Variants in IL17RC observed in about 807,000 individuals in gnomAD.
The protein encoded by IL17RC is interleukin-17 receptor C.
IL17RC carries 53 observed loss-of-function variants against 86.7 expected under a neutral mutation model. The observed-to-expected ratio is 0.61, with a 90% CI of 0.49 to 0.77. The LOEUF (loss-of-function observed/expected upper bound fraction) is 0.77, where lower values mean the gene tolerates loss of function less well. Ranked by LOEUF, IL17RC falls within the 30% of genes least tolerant of loss-of-function variation. The pLI, the probability that IL17RC is intolerant of heterozygous loss-of-function variation, is 0.00. For synonymous variants in IL17RC, 439 were observed against 413.1 expected (o/e 1.06, Z -0.76); for missense variants, 957 against 940.0 (o/e 1.02, Z -0.24).
intron 12 of IL17RC, 60 bp downstream of exon 12, chr3:9,928,690 AG>A: frequency 6.5e-7 from 1 of 1,539,396 alleles, no homozygotes; most frequent in Admixed American, 1.7e-5. Context: ...CCCCCAGCCA[AG>A]GGGGTCTTAG....
chr3:9,917,776 G>T, intron 2 of IL17RC, 42 bp downstream of exon 2: 2 of 1,612,644 alleles, frequency 1.2e-6, no homozygotes, highest in South Asian at 1.1e-5. Flanking sequence ...CAGGTTGGCC[G>T]AAGGGAGCAG....
In IL17RC at chr3:9,930,306, C is replaced by A. The variant is rs2084534993; in HGVS notation, c.1279-94C>A. The A allele has an allele frequency of 1.3e-6, 2 of 1,536,722 alleles. No individual in the cohort carries two copies. The highest frequency in any genetic ancestry group is 1.4e-5 in the African/African-American group (1 of 73,476). Reference sequence around the variant, plus strand: ...GCGGCATCACCAAAGTCTCCCAGTCCCCTCTACCTCATTCTACCCAGCTGT... The same window carrying A: ...GCGGCATCACCAAAGTCTCCCAGTCACCTCTACCTCATTCTACCCAGCTGT... On this transcript the variant is annotated intron_variant, in intron 14 of 18. Coordinates refer to ENST00000403601, the MANE Select transcript of IL17RC (RefSeq NM_153460.4). This position sits in a 1 kb window ranked among gnomAD's most constrained non-coding sequence, Gnocchi z 5.8.
At position 9,930,059 on chromosome 3, in the gene IL17RC, A is replaced by T; in HGVS notation, c.1188A>T (p.Leu396=). The stretch of plus-strand genomic sequence containing the variant: ...TGGGGCCTCTCAAAGACGATGTGCT[A>T]CTGTTGGAGACACGAGGCCCCCAGG... The part of the protein sequence containing the change: ...DSLGPLKDDV[L]LLETRGPQDN... The change falls in exon 14 of 19, where the codon CTA becomes CTT. Residue 396 remains leucine (L), a synonymous_variant. Transcript: ENST00000403601. This position sits in a 1 kb window ranked among gnomAD's most constrained non-coding sequence, Gnocchi z 5.8. 1 of 1,613,966 alleles carries T rather than the reference A, an allele frequency of 6.2e-7. No homozygotes were observed. Among genetic ancestry groups the T allele is most frequent in the South Asian group, 1.1e-5 (1 of 91,080 alleles).
rs1381308577 is a variant in IL17RC at position 9,930,477 on chromosome 3, G to A, written c.1338+18G>A. 1 of 1,613,136 alleles carries A rather than the reference G, an allele frequency of 6.2e-7. No homozygotes were observed. ...GTCTGCAGGTGAGCTGGTGGAAGAA[G>A]GGCCCCACCTCAATGCCTAGGGGCA... On this transcript the variant is annotated intron_variant, in intron 15 of 18. Coordinates refer to ENST00000403601, the MANE Select transcript of IL17RC (RefSeq NM_153460.4). This position sits in a 1 kb window ranked among gnomAD's most constrained non-coding sequence, Gnocchi z 5.8.
Position 9,930,198 on chromosome 3 carries a change from C to T in IL17RC, c.1278+49C>T, listed in dbSNP as rs1559317885. 1 of 1,605,658 alleles carries T rather than the reference C, an allele frequency of 6.2e-7. No homozygotes were observed. The highest frequency in any genetic ancestry group is 8.5e-7 in the Non-Finnish European group (1 of 1,174,130). On this transcript the variant is annotated intron_variant, in intron 14 of 18. Coordinates refer to ENST00000403601, the MANE Select transcript of IL17RC (RefSeq NM_153460.4). The surrounding 1 kb of genome is among the most constrained non-coding windows in gnomAD (Gnocchi z 5.8). ...CACAGATCTCTCCAAATGCATCTCA[C>T]ATCTGGCCTCAAATTTTCACTCCAT...
chr3:9,928,557 C>CT, intron 11 of IL17RC, 23 bp from the exon 12 acceptor site: 1 of 1,613,864 alleles, frequency 6.2e-7, no homozygotes, highest in Non-Finnish European at 8.5e-7. Context: ...TTTGTGATCC[C>CT]ACCCATTCCT....
chr3:9,932,683 T>A lies in IL17RC; in HGVS notation c.1463T>A (p.Leu488His). The change falls in exon 17 of 19, where the codon CTC (leucine) becomes CAC (histidine). Residue 488 changes from leucine (L) to histidine (H), a missense_variant. By Grantham distance (99) the Leu-to-His change is moderately conservative (BLOSUM62 -3). Coordinates refer to ENST00000403601, the MANE Select transcript of IL17RC (RefSeq NM_153460.4). Reference protein sequence around the residue: ...FAAALSLILLLKKDHAKGWLR... With the variant: ...FAAALSLILLHKKDHAKGWLR... Reference sequence around the variant, plus strand: ...GCTGCGCTTTCCCTCATCCTCCTTCTCAAAAAGGATCACGCGAAAGGTGAG... The same window carrying A: ...GCTGCGCTTTCCCTCATCCTCCTTCACAAAAAGGATCACGCGAAAGGTGAG... The A allele has an allele frequency of 6.2e-7, 1 of 1,614,056 alleles. No homozygotes were observed. Among genetic ancestry groups the A allele is most frequent in the Non-Finnish European group, 8.5e-7 (1 of 1,179,978 alleles).
At position 9,933,012 on chromosome 3, in the gene IL17RC, C is replaced by G; in HGVS notation, c.1582C>G (p.Arg528Gly). The G allele has an allele frequency of 6.4e-7, 1 of 1,565,960 alleles. No homozygotes were observed. The highest frequency in any genetic ancestry group is 8.6e-7 in the Non-Finnish European group (1 of 1,164,514). Residue 528 changes from arginine (R) to glycine (G), a missense_variant, in exon 19 of 19, where the codon CGC becomes GGC. By Grantham distance (125) the Arg-to-Gly change is moderately radical. Coordinates refer to ENST00000403601, the MANE Select transcript of IL17RC (RefSeq NM_153460.4). ...CTCAGCCGATGACTCGGGTTTCGAG[C>G]GCCTGGTGGGCGCCCTGGCGTCGGC... ...LYSADDSGFE[R>G]LVGALASALC...
Position 9,930,247 on chromosome 3 carries a change from A to T in IL17RC, c.1278+98A>T. 1 of 1,561,792 alleles carries T rather than the reference A, an allele frequency of 6.4e-7. No homozygotes were observed. Among genetic ancestry groups the T allele is most frequent in the South Asian group, 1.2e-5 (1 of 86,418 alleles). On this transcript the variant is annotated intron_variant, in intron 14 of 18. Coordinates refer to ENST00000403601, the MANE Select transcript of IL17RC (RefSeq NM_153460.4). The surrounding 1 kb of genome is among the most constrained non-coding windows in gnomAD (Gnocchi z 5.8). ...ATCCACCCTGTGCCGGTCTCTGGGA[A>T]CATGGGGGGTGACTCAGACCAGGGC...
rs1360672870 is a variant in IL17RC, at chr3:9,932,934, CA to C, written c.1523-18del. 4 of 1,610,268 alleles carry C rather than the reference CA, an allele frequency of 2.5e-6. No homozygotes were observed. Among genetic ancestry groups the C allele is most frequent in the Non-Finnish European group, 3.4e-6 (4 of 1,179,126 alleles). ...TGTGCCAGCTCACCTCTTCCCTCCC[CA>C]TCTGTTTTCTCCGGCAGCGGCCGCC... On this transcript the variant is annotated intron_variant, in intron 18 of 18. Transcript: ENST00000403601.
chr3:9,918,219 T>C, intron 3 of IL17RC, 116 bp from the exon 4 acceptor site: 2 of 1,297,990 alleles, frequency 1.5e-6, no homozygotes, highest in Non-Finnish European at 2.1e-6. Context: ...CAGGCCAGTG[T>C]GGTCTCCCCA....
At chr3:9,923,858 G>A (rs373102928) in intron 7 of IL17RC, 23 bp from the exon 8 acceptor site, 137 of 1,612,906 alleles carry the variant, frequency 8.5e-5, no homozygotes, top group East Asian at 8.5e-4. Flanking sequence ...TCTAAGCTGC[G>A]CTCTCTTTGC....
Position 9,932,994 on chromosome 3 carries a change from G to T in IL17RC, c.1564G>T (p.Asp522Tyr), listed in dbSNP as rs771421760. Residue 522 changes from aspartate (D) to tyrosine (Y), a missense_variant, in exon 19 of 19, where the codon GAT (aspartate) becomes TAT (tyrosine). Transcript: ENST00000403601. ...GRAALLLYSA[D>Y]DSGFERLVGA... ...CGCGGCTCTGCTCCTCTACTCAGCC[G>T]ATGACTCGGGTTTCGAGCGCCTGGT... The T allele has an allele frequency of 6.3e-7, 1 of 1,579,022 alleles. No homozygotes were observed.
chr3:9,932,521 C>T, intron 16 of IL17RC, 87 bp from the exon 17 acceptor site: 4 of 1,254,924 alleles, frequency 3.2e-6, no homozygotes, highest in Middle Eastern at 2.1e-4. Flanking sequence ...TGAGCCACCG[C>T]ACCCGGCCCA....
chr3:9,918,828 C>T (rs972010433), intron 5 of IL17RC, among the ~76,000 whole-genome samples: 1 of 152,114 alleles, frequency 6.6e-6, no homozygotes, highest in African/African-American at 2.4e-5. Context: ...GTGGGCAAGT[C>T]CCTTCAGCCT....
At chr3:9,920,858 C>T in intron 6 of IL17RC, 67 bp from the exon 7 acceptor site, 1 of 1,457,112 alleles carries the variant, frequency 6.9e-7, no homozygotes, top group Non-Finnish European at 9.4e-7. Context: ...CCCTGGGAGC[C>T]AAATTGCCCC....
rs780678935 is a variant in IL17RC, at chr3:9,933,209, A to G, written c.1779A>G (p.Leu593=). The G allele has an allele frequency of 6.2e-7, 1 of 1,608,366 alleles. No individual in the cohort carries two copies. Among genetic ancestry groups the G allele is most frequent in the Admixed American group, 1.7e-5 (1 of 59,496 alleles). The change falls in exon 19 of 19, where the codon CTA becomes CTG. Residue 593 remains leucine, a synonymous_variant. Coordinates refer to ENST00000403601, the MANE Select transcript of IL17RC (RefSeq NM_153460.4). ...CGGTGGCGCTGTGCAGCGAGTGGCT[A>G]CAGGATGGGGTGTCCGGGCCCGGGG... ...PGAVALCSEW[L]QDGVSGPGAH... is the part of the protein sequence containing the mutation.
intron 8 of IL17RC, 27 bp downstream of exon 8, chr3:9,924,047 T>C (rs200439773): frequency 1.2e-5 from 20 of 1,612,356 alleles, no homozygotes; most frequent in Non-Finnish European, 1.6e-5. Context: ...CCCAAGTCCA[T>C]TCCCACTGTA....
intron 9 of IL17RC, among the ~76,000 whole-genome samples, chr3:9,925,333 G>C (rs570080775): frequency 6.6e-6 from 1 of 151,756 alleles, no homozygotes; most frequent in East Asian, 1.9e-4. Flanking sequence ...AGCCAGGATG[G>C]TCTCGATCTC....
Sources: allele counts gnomAD v4.1 joint callset (sites outside exome capture counted in the v4.1 genomes callset), GRCh38; gene constraint gnomAD v4.1.1; non-coding constraint Gnocchi (gnomAD v3.1); transcripts MANE v1.5; gene names NCBI Gene and HGNC (gene_info 2026-07-23, HGNC 2026-07-21).